Variants in UVRAG observed in about 807,000 individuals in gnomAD.
UVRAG encodes UV radiation resistance-associated gene protein.
In UVRAG, 19 loss-of-function variants were observed where a neutral mutation model predicts 78.0. That is an observed-to-expected ratio of 0.24 (90% CI 0.17 to 0.36). The LOEUF (loss-of-function observed/expected upper bound fraction) is 0.36, where lower values mean the gene tolerates loss of function less well. Among genes scored for constraint, UVRAG ranks in the 10% least tolerant of loss-of-function variants. UVRAG has a pLI of 1.00. For synonymous variants in UVRAG, 323 were observed against 324.6 expected (o/e 1.00, Z 0.05); for missense variants, 740 against 853.8 (o/e 0.87, Z 1.66).
At chr11:76,091,931 C>T (rs1260325975) in intron 13 of UVRAG, among the ~76,000 whole-genome samples, 1 of 151,966 alleles carries the variant, frequency 6.6e-6, no homozygotes, top group Non-Finnish European at 1.5e-5. Flanking sequence ...GTGTGCTGCA[C>T]CCATTAATTC....
chr11:76,023,432 T>C (rs1172319372), intron 12 of UVRAG, among the ~76,000 whole-genome samples: 2 of 152,136 alleles, frequency 1.3e-5, no homozygotes, highest in Admixed American at 6.6e-5. Context: ...GTTTTATGTC[T>C]GAACTGTAAT....
In UVRAG at chr11:76,139,648, A is replaced by G. The variant is rs549372550; in HGVS notation, c.1398-1063A>G. Among the ~76,000 whole-genome samples the G allele has an allele frequency of 9.2e-5, 14 of 152,316 alleles. No individual in the cohort carries two copies. The South Asian group carries it at 2.9e-3, about 32-fold the overall frequency. ...ATATGGTTGTATTGAAGCTAATTTC[A>G]TCCACATACAAGAATGTCTAGAGCT... On this transcript the variant is annotated intron_variant, in intron 14 of 14. Transcript: ENST00000356136.
At chr11:76,133,251 C>T (rs1465641585) in intron 14 of UVRAG, among the ~76,000 whole-genome samples, 2 of 152,092 alleles carry the variant, frequency 1.3e-5, no homozygotes, top group African/African-American at 4.8e-5. Flanking sequence ...TAGCTATAAC[C>T]ATTTCACAGA....
At position 75,833,295 on chromosome 11, in the gene UVRAG, T is replaced by G. The variant is rs555669774; in HGVS notation, c.117+17771T>G. On this transcript the variant is annotated intron_variant, in intron 1 of 14. Transcript: ENST00000356136. Reference sequence around the variant, plus strand: ...AGGCAATCTGGAAGTTATTTATCTCTGTATGCTTCAGGGAGACTCAGGTAA... The same window carrying G: ...AGGCAATCTGGAAGTTATTTATCTCGGTATGCTTCAGGGAGACTCAGGTAA... 2.0e-5 allele frequency among the ~76,000 whole-genome samples: 3 copies of G among 152,294 alleles called. No homozygotes were observed. In the South Asian group the frequency reaches 6.2e-4, roughly 32 times the overall value.
rs1038985783 is a variant in UVRAG at position 75,878,735 on chromosome 11, C to G, written c.271-1144C>G. ...AACCAGTCAGGCGTGGCGGCGCGCGCCTGCAATCGCAGGCACTCGGCAGGC... is the reference window on the plus strand; with the variant it reads ...AACCAGTCAGGCGTGGCGGCGCGCGGCTGCAATCGCAGGCACTCGGCAGGC... On this transcript the variant is annotated intron_variant, in intron 3 of 14. Coordinates refer to ENST00000356136, the MANE Select transcript of UVRAG (RefSeq NM_003369.4). Among the ~76,000 whole-genome samples, 7 of 152,276 alleles carry G rather than the reference C, an allele frequency of 4.6e-5. No individual in the cohort carries two copies. The South Asian group carries it at 8.3e-4, about 18-fold the overall frequency.
rs371489862 is a variant in UVRAG, at chr11:75,949,987, A to G, written c.594-11457A>G. 6.8e-4 allele frequency among the ~76,000 whole-genome samples: 103 copies of G among 152,112 alleles called. 1 individual carries two copies. Among genetic ancestry groups the G allele is most frequent in the African/African-American group, 2.4e-3 (101 of 41,510 alleles). On this transcript the variant is annotated intron_variant, in intron 6 of 14. Transcript: ENST00000356136. ...AGCTTTCCCTGTTTTTGAACTTCTT[A>G]TAAGTGGAGTCATACGGGGCACTCT...
At position 75,974,331 on chromosome 11, in the gene UVRAG, GTTGGCTGCATAAATGTCTTCTT is replaced by G. The variant is rs1163912229; in HGVS notation, c.700-9053_700-9032del. Among the ~76,000 whole-genome samples, 381 of 139,524 alleles carry G rather than the reference GTTGGCTGCATAAATGTCTTCTT, an allele frequency of 2.7e-3. 1 individual carries two copies. Among genetic ancestry groups the G allele is most frequent in the Non-Finnish European group, 4.9e-3 (314 of 64,238 alleles). 91.5% of individuals were successfully genotyped at this position (139,524 alleles called of 152,430 possible). On this transcript the variant is annotated intron_variant, in intron 7 of 14. Coordinates refer to ENST00000356136, the MANE Select transcript of UVRAG (RefSeq NM_003369.4). ...GATGATGAGCATTTTTAATGTGTCT[GTTGGCTGCATAAATGTCTTCTT>G]TTTTTTTTTTTTTTTTTTTTTTTTG... is the stretch of plus-strand genomic sequence containing the variant.
chr11:76,130,837 G>T (rs1277892375), intron 14 of UVRAG, among the ~76,000 whole-genome samples: 1 of 151,998 alleles, frequency 6.6e-6, no homozygotes, highest in African/African-American at 2.4e-5. Context: ...TCTGACCAGG[G>T]TTTTAATTTC....
intron 11 of UVRAG, among the ~76,000 whole-genome samples, chr11:76,010,235 T>C (rs575412045): frequency 6.6e-6 from 1 of 152,338 alleles, no homozygotes; most frequent in South Asian, 2.1e-4. Context: ...ATACAGAACA[T>C]TATTCATTGA....
At chr11:76,087,936 G>A (rs1474849709) in intron 13 of UVRAG, among the ~76,000 whole-genome samples, 1 of 152,184 alleles carries the variant, frequency 6.6e-6, no homozygotes, top group African/African-American at 2.4e-5. Context: ...GCGCAGTGGT[G>A]CAATCACAGC....
intron 8 of UVRAG, among the ~76,000 whole-genome samples, chr11:75,997,384 G>A (rs1242473301): frequency 6.6e-6 from 1 of 152,212 alleles, no homozygotes; most frequent in East Asian, 1.9e-4. Flanking sequence ...TATATTTATA[G>A]GAGCCAACAT....
At chr11:75,945,929 T>C (rs76339278) in intron 6 of UVRAG, among the ~76,000 whole-genome samples, 3,509 of 152,164 alleles carry the variant, frequency 0.023, 128 homozygotes, top group African/African-American at 0.08. Flanking sequence ...CTTGACCCCG[T>C]CCCTAGAATA....
chr11:75,868,158 A>G (rs547320693), intron 3 of UVRAG, among the ~76,000 whole-genome samples: 70 of 152,368 alleles, frequency 4.6e-4, no homozygotes, highest in African/African-American at 1.7e-3. Context: ...GTTTTTCTGC[A>G]GCAGTCACAT....
intron 5 of UVRAG, among the ~76,000 whole-genome samples, chr11:75,893,181 A>G (rs1947257913): frequency 6.6e-6 from 1 of 152,058 alleles, no homozygotes; most frequent in South Asian, 2.1e-4. Flanking sequence ...CGTCTCAAAA[A>G]AAAAAAGAAA....
intron 12 of UVRAG, among the ~76,000 whole-genome samples, chr11:76,064,040 G>A (rs1002099260): frequency 7.9e-5 from 12 of 152,062 alleles, no homozygotes; most frequent in African/African-American, 1.9e-4. Flanking sequence ...TGCCTTATCC[G>A]AACCATACCT....
chr11:75,979,354 T>G (rs536985742), intron 7 of UVRAG, among the ~76,000 whole-genome samples: 21 of 152,324 alleles, frequency 1.4e-4, no homozygotes, highest in Non-Finnish European at 2.2e-4. Flanking sequence ...GTCTGTCCGT[T>G]CCCATATCTC....
At chr11:75,865,123 A>G (rs1946508722) in intron 3 of UVRAG, among the ~76,000 whole-genome samples, 1 of 152,094 alleles carries the variant, frequency 6.6e-6, no homozygotes, top group African/African-American at 2.4e-5. Context: ...CCCCATCTCT[A>G]CTAAAAATAT....
intron 14 of UVRAG, among the ~76,000 whole-genome samples, chr11:76,128,956 T>A (rs1385431896): frequency 6.6e-6 from 1 of 152,238 alleles, no homozygotes; most frequent in African/African-American, 2.4e-5. Context: ...TGGATAGCAA[T>A]CTATAATAAT....
chr11:75,864,060 CTTT>C (rs748128698), intron 3 of UVRAG, among the ~76,000 whole-genome samples: 2 of 141,368 alleles, frequency 1.4e-5, no homozygotes, highest in Admixed American at 7.1e-5. Flanking sequence ...GTTCTATTAA[CTTT>C]TTTTTTTTTT....
Sources: gnomAD v4.1 joint callset for allele counts (sites outside exome capture counted in the v4.1 genomes callset) on GRCh38, gnomAD v4.1.1 for gene constraint, MANE v1.5 for transcripts, NCBI Gene and HGNC (gene_info 2026-07-23, HGNC 2026-07-21) for gene names.